Variants in MICAL3 observed in about 807,000 individuals in gnomAD.
MICAL3 encodes [F-actin]-monooxygenase MICAL3.
Under a neutral mutation model 207.4 loss-of-function variants are expected in MICAL3, and 62 were observed. That is an observed-to-expected ratio of 0.30 (90% CI 0.24 to 0.37). The LOEUF (loss-of-function observed/expected upper bound fraction) is 0.37, where lower values mean the gene tolerates loss of function less well. MICAL3 is among the 10% of genes least tolerant of loss of function. MICAL3 has a pLI of 1.00. For missense variants in MICAL3, 2,368 were observed against 2,635.6 expected, an observed-to-expected ratio of 0.90 and a Z score of 2.22; for synonymous variants, 1,077 against 1,069.3, an observed-to-expected ratio of 1.01 and a Z score of -0.14.
chr22:18,012,866 T>A (rs1255860429), intron 1 of MICAL3, among the ~76,000 whole-genome samples: 2 of 152,218 alleles, frequency 1.3e-5, no homozygotes, highest in Non-Finnish European at 2.9e-5. Flanking sequence ...TCTGACTGCA[T>A]CAGCTCCACG....
At chr22:17,889,300 G>A (rs1395151058) in intron 12 of MICAL3, 70 bp from the exon 13 acceptor site, 2 of 1,150,756 alleles carry the variant, frequency 1.7e-6, no homozygotes, top group Non-Finnish European at 1.3e-6. Flanking sequence ...CAGTATCCTG[G>A]AGTCATCGTC....
chr22:17,864,794 C>A lies in MICAL3; in HGVS notation c.2605+105G>T, dbSNP rs200595485. 14 of 1,613,892 alleles carry A rather than the reference C, an allele frequency of 8.7e-6. No individual in the cohort carries two copies. In the South Asian group the frequency reaches 1.3e-4, roughly 15 times the overall value. On this transcript the variant is annotated intron_variant, in intron 19 of 31. Coordinates refer to ENST00000441493, the MANE Select transcript of MICAL3 (RefSeq NM_015241.3). ...AGAGGGTTTTGGGCCACTTGTTGCC[C>A]GAATGAAGAAATGTTGCTTTGGAGG... is the stretch of plus-strand genomic sequence containing the variant.
chr22:17,883,267 G>A (rs553119232), intron 16 of MICAL3, among the ~76,000 whole-genome samples: 138 of 152,290 alleles, frequency 9.1e-4, no homozygotes, highest in African/African-American at 3.1e-3. Flanking sequence ...GCCTTCTGTC[G>A]TGAGTTTGGA....
In MICAL3 at chr22:17,889,666, G is replaced by A. The variant is rs571180793; in HGVS notation, c.1695-436C>T. On this transcript the variant is annotated intron_variant, in intron 12 of 31. Transcript: ENST00000441493. ...TTAATTCAAATTAAAAATTAGCTAGGCATGGCGGCATATGCCTACAGTCCT... is the reference window on the plus strand; with the variant it reads ...TTAATTCAAATTAAAAATTAGCTAGACATGGCGGCATATGCCTACAGTCCT... 9.9e-5 allele frequency among the ~76,000 whole-genome samples: 15 copies of A among 152,196 alleles called. No individual in the cohort carries two copies. In the East Asian group the frequency reaches 2.9e-3, roughly 29 times the overall value.
At chr22:17,878,496 T>C (rs1487659947) in intron 16 of MICAL3, among the ~76,000 whole-genome samples, 1 of 152,198 alleles carries the variant, frequency 6.6e-6, no homozygotes, top group Non-Finnish European at 1.5e-5. Flanking sequence ...GATGGCACTA[T>C]GATTAGCTCC....
At position 17,818,493 on chromosome 22, in the gene MICAL3, C is replaced by G. The variant is rs1208668463; in HGVS notation, c.4168G>C (p.Gly1390Arg). Residue 1390 changes from glycine (G) to arginine (R), a missense_variant, in exon 26 of 32, where the codon GGC becomes CGC. Physicochemically the swap from Gly to Arg is moderately radical, Grantham distance 125. This residue lies in a region of MICAL3 where 1,770 missense variants were observed against 1,863.2 expected (regional missense o/e 0.95). Coordinates refer to ENST00000441493, the MANE Select transcript of MICAL3 (RefSeq NM_015241.3). ...GGCTCGCCTTCCGGCTTTGGCAGGC[C>G]CAGCCTTTTGGGGATGGACAGAGGC... ...LKPLSIPKRL[G>R]LPKPEGEPLS... is the part of the protein sequence containing the mutation. The G allele has an allele frequency of 1.9e-6, 3 of 1,612,946 alleles. No individual in the cohort carries two copies. The highest frequency in any genetic ancestry group is 2.5e-6 in the Non-Finnish European group (3 of 1,179,896).
At chr22:17,916,233 T>C (rs5747412) in intron 1 of MICAL3, among the ~76,000 whole-genome samples, 112,123 of 151,576 alleles carry the variant, frequency 0.74, 41,975 homozygotes, top group African/African-American at 0.85. Context: ...CCTCCAATGA[T>C]AGCGAGCGAC....
intron 19 of MICAL3, among the ~76,000 whole-genome samples, chr22:17,846,613 G>A (rs1047301261): frequency 2.0e-5 from 3 of 152,322 alleles, no homozygotes; most frequent in East Asian, 3.9e-4. Context: ...GAGTGCAGAT[G>A]TAAACAAGCG....
rs1456706513 is a variant in MICAL3, at chr22:17,823,072, A to G, written c.3194-12T>C. 3 of 1,540,618 alleles carry G rather than the reference A, an allele frequency of 1.9e-6. 1 individual carries two copies. The highest frequency in any genetic ancestry group is 2.7e-6 in the Non-Finnish European group (3 of 1,113,348). ...CTCATCCAATGGGGCTGCAAAGCAGAAAGGTTCAAAGGAAGGAAGAAAAGG... is the reference window on the plus strand; with the variant it reads ...CTCATCCAATGGGGCTGCAAAGCAGGAAGGTTCAAAGGAAGGAAGAAAAGG... On this transcript the variant is annotated splice_polypyrimidine_tract_variant and intron_variant, in intron 22 of 31. Transcript: ENST00000441493.
intron 1 of MICAL3, chr22:17,983,527 T>C (rs1375397476): frequency 1.3e-5 from 2 of 149,374 alleles, no homozygotes; most frequent in African/African-American, 2.5e-5. Context: ...ACCGGCAGTG[T>C]CCTTCAGACT....
chr22:17,861,116 C>T, intron 19 of MICAL3: 1 of 985,320 alleles, frequency 1.0e-6, no homozygotes, highest in Non-Finnish European at 1.2e-6. Context: ...TCCATAAATG[C>T]CTAGAAGGGA....
intron 1 of MICAL3, among the ~76,000 whole-genome samples, chr22:17,944,720 G>A (rs973394849): frequency 1.8e-4 from 28 of 152,248 alleles, no homozygotes; most frequent in African/African-American, 6.7e-4. Flanking sequence ...GAAAGCAGGT[G>A]GGAGAAACCG....
intron 18 of MICAL3, 57 bp downstream of exon 18, chr22:17,865,867 G>A (rs1174445459): frequency 6.9e-7 from 1 of 1,459,372 alleles, no homozygotes; most frequent in African/African-American, 1.4e-5. Context: ...CCGGCCCATA[G>A]CCACACTGCT....
chr22:17,853,306 A>C (rs1011310867), intron 19 of MICAL3, among the ~76,000 whole-genome samples: 9 of 151,986 alleles, frequency 5.9e-5, no homozygotes, highest in Non-Finnish European at 1.2e-4. Flanking sequence ...CCCCCAGCCC[A>C]CTCTGCTGCA....
intron 25 of MICAL3, among the ~76,000 whole-genome samples, chr22:17,821,129 C>T (rs1271198463): frequency 2.6e-5 from 4 of 151,780 alleles, no homozygotes; most frequent in African/African-American, 4.8e-5. Flanking sequence ...CACAGTGACA[C>T]GGGGTAGAGG....
At chr22:17,923,775 T>C (rs1165347296) in intron 1 of MICAL3, among the ~76,000 whole-genome samples, 1 of 152,270 alleles carries the variant, frequency 6.6e-6, no homozygotes. Context: ...AAAGTGTTAC[T>C]GCTGTGACCC....
intron 16 of MICAL3, chr22:17,879,397 G>A (rs1400342090): frequency 1.2e-6 from 2 of 1,611,882 alleles, no homozygotes; most frequent in African/African-American, 1.3e-5. Context: ...CAAGATCCCT[G>A]TATGTCTGTT....
At chr22:17,791,594 G>A (rs2061825333) in intron 29 of MICAL3, 1 of 454,148 alleles carries the variant, frequency 2.2e-6, no homozygotes, top group African/African-American at 2.0e-5. Flanking sequence ...GCTCTCTTAG[G>A]ATGACTTACA....
intron 1 of MICAL3, among the ~76,000 whole-genome samples, chr22:17,969,438 T>A (rs1254192918): frequency 6.6e-6 from 1 of 152,212 alleles, no homozygotes; most frequent in Non-Finnish European, 1.5e-5. Flanking sequence ...CTTGGGTTGG[T>A]CTGGAGCCGA....
Sources: allele counts gnomAD v4.1 joint callset (sites outside exome capture counted in the v4.1 genomes callset), GRCh38; gene constraint gnomAD v4.1.1; regional missense constraint gnomAD v4.1.1; transcripts MANE v1.5; gene names NCBI Gene and HGNC (gene_info 2026-07-23, HGNC 2026-07-21).